Variants in LPP observed in about 807,000 individuals in gnomAD.
LPP encodes LIM domain containing preferred translocation partner in lipoma, also known as lipoma-preferred partner.
LPP carries 38 observed loss-of-function variants against 60.4 expected under a neutral mutation model. That is an observed-to-expected ratio of 0.63 (90% CI 0.49 to 0.83). The LOEUF (loss-of-function observed/expected upper bound fraction) is 0.83. Ranked by LOEUF, LPP falls within the 40% of genes least tolerant of loss-of-function variation. The pLI is 0.00. For synonymous variants in LPP, 328 were observed against 290.8 expected (o/e 1.13, Z -1.30); for missense variants, 902 against 783.6 (o/e 1.15, Z -1.80).
At chr3:188,726,363 GAGA>G (rs1718399336) in intron 8 of LPP, among the ~76,000 whole-genome samples, 1 of 152,124 alleles carries the variant, frequency 6.6e-6, no homozygotes, top group Non-Finnish European at 1.5e-5. Flanking sequence ...GTGAGAAAAA[GAGA>G]AGGAGTTCAG....
intron 9 of LPP, among the ~76,000 whole-genome samples, chr3:188,820,421 G>C (rs963289444): frequency 1.3e-5 from 2 of 152,162 alleles, no homozygotes; most frequent in Admixed American, 1.3e-4. Flanking sequence ...AAAACAAAAA[G>C]TGTGTGTCTC....
intron 7 of LPP, among the ~76,000 whole-genome samples, chr3:188,707,171 C>T (rs1016817466): frequency 6.6e-6 from 1 of 150,808 alleles, no homozygotes; most frequent in African/African-American, 2.4e-5. Context: ...TTTTTTTTTA[C>T]TGCAGTATGT....
chr3:188,679,069 G>A (rs1858812878), intron 7 of LPP, among the ~76,000 whole-genome samples: 1 of 152,176 alleles, frequency 6.6e-6, no homozygotes. Flanking sequence ...TATTGGGAGA[G>A]GAGTCCCTGC....
intron 8 of LPP, among the ~76,000 whole-genome samples, chr3:188,758,502 C>T (rs1560165506): frequency 6.6e-6 from 1 of 152,156 alleles, no homozygotes; most frequent in Non-Finnish European, 1.5e-5. Context: ...AAGATGTATA[C>T]TTTGGGTTAT....
intron 6 of LPP, among the ~76,000 whole-genome samples, chr3:188,531,360 G>A (rs1822132599): frequency 6.6e-6 from 1 of 151,934 alleles, no homozygotes; most frequent in African/African-American, 2.4e-5. Flanking sequence ...ATTGACCTTG[G>A]TTCCTGACTC....
intron 2 of LPP, among the ~76,000 whole-genome samples, chr3:188,284,628 T>C (rs1046824414): frequency 1.3e-5 from 2 of 152,212 alleles, no homozygotes; most frequent in Non-Finnish European, 2.9e-5. Context: ...TGTGTATGTG[T>C]ACCCACATAC....
chr3:188,492,019 T>A (rs911301568), intron 5 of LPP, among the ~76,000 whole-genome samples: 3 of 152,154 alleles, frequency 2.0e-5, no homozygotes, highest in African/African-American at 7.2e-5. Flanking sequence ...TGATTACCAC[T>A]GCCACCACTA....
At chr3:188,749,040 G>C (rs1478712247) in intron 8 of LPP, among the ~76,000 whole-genome samples, 1 of 152,112 alleles carries the variant, frequency 6.6e-6, no homozygotes, top group Non-Finnish European at 1.5e-5. Context: ...GTGTTTCAGA[G>C]AGAAATGGCA....
chr3:188,708,630 A>G, intron 8 of LPP: 1 of 568,168 alleles, frequency 1.8e-6, no homozygotes, highest in Non-Finnish European at 3.1e-6. Context: ...TTCCTTAGAT[A>G]CAAATTTTAT....
chr3:188,370,117 G>A (rs1364954825), intron 3 of LPP, among the ~76,000 whole-genome samples: 1 of 152,042 alleles, frequency 6.6e-6, no homozygotes, highest in Non-Finnish European at 1.5e-5. Flanking sequence ...TAGTAGAGAC[G>A]GGGTTTTACC....
At chr3:188,861,601 G>A (rs182700233) in intron 9 of LPP, among the ~76,000 whole-genome samples, 53 of 151,934 alleles carry the variant, frequency 3.5e-4, no homozygotes, top group East Asian at 1.4e-3. Flanking sequence ...AGTAGTTCAC[G>A]TTTATGTTAT....
At chr3:188,534,494 C>T (rs1176643051) in intron 6 of LPP, among the ~76,000 whole-genome samples, 2 of 152,130 alleles carry the variant, frequency 1.3e-5, no homozygotes, top group Admixed American at 6.5e-5. Context: ...TTCTTTCTTC[C>T]TCTCCCACTG....
intron 8 of LPP, among the ~76,000 whole-genome samples, chr3:188,719,132 A>G (rs975935288): frequency 6.6e-6 from 1 of 152,152 alleles, no homozygotes; most frequent in African/African-American, 2.4e-5. Flanking sequence ...TAAAGGTTCA[A>G]CTGGTCAATG....
chr3:188,203,779 A>G (rs990877133), intron 1 of LPP, among the ~76,000 whole-genome samples: 1 of 150,744 alleles, frequency 6.6e-6, no homozygotes, highest in Non-Finnish European at 1.5e-5. Flanking sequence ...CTGGCCTTAT[A>G]GCAGGGTTTA....
intron 9 of LPP, among the ~76,000 whole-genome samples, chr3:188,820,102 T>A (rs1753555708): frequency 6.6e-6 from 1 of 152,234 alleles, no homozygotes; most frequent in Admixed American, 6.5e-5. Context: ...AGTTTTGTTT[T>A]TAGCAGATTC....
At chr3:188,768,371 T>A (rs1463788103) in intron 9 of LPP, among the ~76,000 whole-genome samples, 3 of 152,188 alleles carry the variant, frequency 2.0e-5, no homozygotes. Context: ...ATAATCTAAC[T>A]TTCATAAATG....
chr3:188,795,484 T>G (rs1250972567), intron 9 of LPP, among the ~76,000 whole-genome samples: 1 of 152,144 alleles, frequency 6.6e-6, no homozygotes, highest in Non-Finnish European at 1.5e-5. Context: ...AAGAGAGTAT[T>G]AAGGATCTTC....
Position 188,475,541 on chromosome 3 carries a change from G to A in LPP, c.194-9051G>A, listed in dbSNP as rs983406749. ...GTAGACAACCCCTGTTAACATACAG[G>A]CCTATATAAAATTGGGACCATATTA... On this transcript the variant is annotated intron_variant, in intron 4 of 11. Coordinates refer to ENST00000617246, the MANE Select transcript of LPP (RefSeq NM_001375462.1). Among the ~76,000 whole-genome samples the A allele has an allele frequency of 2.0e-5, 3 of 152,212 alleles. No individual in the cohort carries two copies. The South Asian group carries it at 6.2e-4, about 32-fold the overall frequency.
intron 2 of LPP, among the ~76,000 whole-genome samples, chr3:188,253,917 G>T (rs1730786670): frequency 6.6e-6 from 1 of 152,058 alleles, no homozygotes; most frequent in African/African-American, 2.4e-5. Flanking sequence ...ATTACTCTGT[G>T]CTCTCTCCTG....
Sources: gnomAD v4.1 joint callset for allele counts (sites outside exome capture counted in the v4.1 genomes callset) on GRCh38, gnomAD v4.1.1 for gene constraint, MANE v1.5 for transcripts, NCBI Gene and HGNC (gene_info 2026-07-23, HGNC 2026-07-21) for gene names.